Variants in SLC5A2 observed in about 807,000 individuals in gnomAD.
SLC5A2 encodes the protein sodium/glucose cotransporter 2.
SLC5A2 carries 67 observed loss-of-function variants against 69.0 expected under a neutral mutation model. The observed-to-expected ratio is 0.97, with a 90% CI of 0.80 to 1.19. The LOEUF is 1.19. Among genes scored for constraint, SLC5A2 ranks in the 50% most tolerant of loss-of-function variants. SLC5A2 has a pLI of 0.00. For synonymous variants in SLC5A2, 455 were observed against 395.8 expected (o/e 1.15, Z -1.78); for missense variants, 1,001 against 921.5 (o/e 1.09, Z -1.12).
chr16:31,487,709 C>T lies in SLC5A2; in HGVS notation c.835C>T (p.Leu279=). 6.2e-7 allele frequency: 1 copy of T among 1,612,980 alleles called. No individual in the cohort carries two copies. The highest frequency in any genetic ancestry group is 1.1e-5 in the South Asian group (1 of 91,072). ...PVTGDLPWPA[L]LLGLTIVSGW... Reference sequence around the variant, plus strand: ...GACCGGGGATCTGCCGTGGCCCGCGCTGCTCCTCGGACTCACAATCGTCTC... The same window carrying T: ...GACCGGGGATCTGCCGTGGCCCGCGTTGCTCCTCGGACTCACAATCGTCTC... The change falls in exon 7 of 14, where the codon CTG becomes TTG. Residue 279 remains leucine (L), a synonymous_variant. Coordinates refer to ENST00000330498, the MANE Select transcript of SLC5A2 (RefSeq NM_003041.4).
At position 31,489,193 on chromosome 16, in the gene SLC5A2, G is replaced by GC; in HGVS notation, c.1521dup (p.Ser508LeufsTer59). 2 of 1,610,194 alleles carry GC rather than the reference G, an allele frequency of 1.2e-6. No individual in the cohort carries two copies. The highest frequency in any genetic ancestry group is 1.7e-6 in the Non-Finnish European group (2 of 1,180,018). On this transcript the variant is annotated frameshift_variant, in exon 12 of 14. Coordinates refer to ENST00000330498, the MANE Select transcript of SLC5A2 (RefSeq NM_003041.4). LOFTEE classifies it high-confidence loss of function. Reference sequence around the variant, plus strand: ...CGCCTGATTCCCGAGTTCTCCTTCGGCTCGGGCAGCTGTGTGCAGCCCTCG... The same window carrying GC: ...CGCCTGATTCCCGAGTTCTCCTTCGGCCTCGGGCAGCTGTGTGCAGCCCTCG...
chr16:31,488,316 A>T lies in SLC5A2; in HGVS notation c.1022-67A>T. On this transcript the variant is annotated intron_variant, in intron 8 of 13. Coordinates refer to ENST00000330498, the MANE Select transcript of SLC5A2 (RefSeq NM_003041.4). ...GCACGCCTCCTCTGCTAGGATTCCC[A>T]GTCCCCACCTCCTGGGATTCCCAGA... 1.9e-6 allele frequency: 3 copies of T among 1,600,868 alleles called. No homozygotes were observed. The South Asian group carries it at 3.3e-5, about 18-fold the overall frequency.
At chr16:31,488,245 A>T (rs116678833) in intron 8 of SLC5A2, 72 bp downstream of exon 8, 10 of 1,610,688 alleles carry the variant, frequency 6.2e-6, no homozygotes, top group Non-Finnish European at 8.5e-6. Flanking sequence ...TCACCCTCCT[A>T]AGACTCGGCA....
rs1303484509 is a variant in SLC5A2 at position 31,488,958 on chromosome 16, C to A, written c.1359C>A (p.Phe453Leu). ...AGGCGGCACAGGGCGGGCAGCTCTT[C>A]GATTACATCCAGGCAGTCTCTAGCT... ...VVQAAQGGQL[F>L]DYIQAVSSYL... Residue 453 changes from phenylalanine to leucine, a missense_variant, in exon 11 of 14, where the codon TTC becomes TTA. Transcript: ENST00000330498. 6.2e-7 allele frequency: 1 copy of A among 1,602,914 alleles called. No individual in the cohort carries two copies. Among genetic ancestry groups the A allele is most frequent in the Non-Finnish European group, 8.5e-7 (1 of 1,179,876 alleles).
At position 31,486,226 on chromosome 16, in the gene SLC5A2, T is replaced by C. The variant is rs373440389; in HGVS notation, c.525T>C (p.Tyr175=). Residue 175 remains tyrosine, a synonymous_variant, in exon 5 of 14, where the codon TAT becomes TAC. Coordinates refer to ENST00000330498, the MANE Select transcript of SLC5A2 (RefSeq NM_003041.4). ...AGCAGGCTCTGGGCTGGAACATCTA[T>C]GCCTCCGTCATCGCGCTTCTGGGCA... is the stretch of plus-strand genomic sequence containing the variant. The part of the protein sequence containing the change: ...FIQQALGWNI[Y]ASVIALLGIT... 6.8e-6 allele frequency: 11 copies of C among 1,613,938 alleles called. No individual in the cohort carries two copies. In the African/African-American group the frequency reaches 1.3e-4, roughly 20 times the overall value.
rs76577328 is a variant in SLC5A2 at position 31,484,736 on chromosome 16, T to C, written c.190T>C (p.Trp64Arg). 2.5e-6 allele frequency: 4 copies of C among 1,610,450 alleles called. No homozygotes were observed. In the African/African-American group the frequency reaches 5.3e-5, roughly 21 times the overall value. Residue 64 changes from tryptophan (W) to arginine (R), a missense_variant, in exon 2 of 14, where the codon TGG becomes CGG. By Grantham distance (101) the Trp-to-Arg change is moderately radical (BLOSUM62 -3). Transcript: ENST00000330498. ...GYFLAGRSMV[W>R]WPVGASLFAS... ...CTTCCTGGCAGGACGCAGCATGGTG[T>C]GGTGGCCGGTGAGACGGGCTGGGCC...
At chr16:31,490,062 G>T in intron 12 of SLC5A2, 42 bp from the exon 13 acceptor site, 2 of 1,611,754 alleles carry the variant, frequency 1.2e-6, no homozygotes, top group Non-Finnish European at 1.7e-6. Flanking sequence ...CAGGCATGGG[G>T]GGACAGAACT....
Position 31,488,647 on chromosome 16 carries a change from C to T in SLC5A2, c.1155C>T (p.Val385=), listed in dbSNP as rs766185124. The T allele has an allele frequency of 5.0e-6, 8 of 1,611,904 alleles. No homozygotes were observed. The Admixed American group carries it at 1.0e-4, about 20-fold the overall frequency. Residue 385 remains valine (V), a synonymous_variant, in exon 10 of 14, where the codon GTC becomes GTT. Transcript: ENST00000330498. The part of the protein sequence containing the change: ...PNGLRGLMLA[V]MLAALMSSLA... ...GTCTGCGCGGACTCATGCTGGCGGT[C>T]ATGCTGGCCGCGCTCATGTCCTCGC...
chr16:31,489,194 C>T lies in SLC5A2; in HGVS notation c.1521C>T (p.Gly507=). 9 of 1,610,326 alleles carry T rather than the reference C, an allele frequency of 5.6e-6. No homozygotes were observed. Among genetic ancestry groups the T allele is most frequent in the Non-Finnish European group, 7.6e-6 (9 of 1,180,020 alleles). The change falls in exon 12 of 14, where the codon GGC becomes GGT. Residue 507 remains glycine (G), a synonymous_variant. Transcript: ENST00000330498. ...GCCTGATTCCCGAGTTCTCCTTCGGCTCGGGCAGCTGTGTGCAGCCCTCGG... is the reference window on the plus strand; with the variant it reads ...GCCTGATTCCCGAGTTCTCCTTCGGTTCGGGCAGCTGTGTGCAGCCCTCGG... ...LARLIPEFSF[G]SGSCVQPSAC...
chr16:31,490,712 G>T lies in SLC5A2; in HGVS notation c.*177G>T. ...CTGATTGGCAGTCACTTCCCATGAG[G>T]GCCTGGCCCACCCGCTGCAGTTGCC... On this transcript the variant is annotated 3_prime_UTR_variant, in exon 14 of 14. Coordinates refer to ENST00000330498, the MANE Select transcript of SLC5A2 (RefSeq NM_003041.4). 8.2e-7 allele frequency: 1 copy of T among 1,222,898 alleles called. No homozygotes were observed. 75.8% of individuals were successfully genotyped at this position (1,222,898 alleles called of 1,614,324 possible).
In SLC5A2 at chr16:31,490,322, G is replaced by A. The variant is rs368649902; in HGVS notation, c.1806G>A (p.Pro602=). 1.7e-5 allele frequency: 27 copies of A among 1,611,996 alleles called. No individual in the cohort carries two copies. The highest frequency in any genetic ancestry group is 1.6e-4 in the Middle Eastern group (1 of 6,062). ...AATTTCCCTCAGAGCCCCAGGCCCC[G>A]GCACCAAGCCTCTTCCGCCAGTGCC... The part of the protein sequence containing the change: ...SAMEMNEPQA[P]APSLFRQCLL... The change falls in exon 14 of 14, where the codon CCG becomes CCA. Residue 602 remains proline (P), a synonymous_variant. Coordinates refer to ENST00000330498, the MANE Select transcript of SLC5A2 (RefSeq NM_003041.4).
intron 6 of SLC5A2, 55 bp from the exon 7 acceptor site, chr16:31,487,475 C>T: frequency 6.2e-7 from 1 of 1,609,762 alleles, no homozygotes; most frequent in Admixed American, 1.7e-5. Context: ...GGGGCCGTTG[C>T]GCGTCTCCGG....
chr16:31,489,102 G>T, intron 11 of SLC5A2, 21 bp from the exon 12 acceptor site: 1 of 1,605,634 alleles, frequency 6.2e-7, no homozygotes. Flanking sequence ...TCCTCAGCAG[G>T]CTGACCTGTT....
In SLC5A2 at chr16:31,488,449, A is replaced by T; in HGVS notation, c.1088A>T (p.Asn363Ile). The T allele has an allele frequency of 6.2e-7, 1 of 1,611,250 alleles. No individual in the cohort carries two copies. The highest frequency in any genetic ancestry group is 8.5e-7 in the Non-Finnish European group (1 of 1,179,542). ...RVCGTEVGCS[N>I]IAYPRLVVKL... The stretch of plus-strand genomic sequence containing the variant: ...TGCGGCACGGAGGTGGGCTGCTCCA[A>T]CATCGCCTACCCGCGGCTCGTCGTG... Residue 363 changes from asparagine to isoleucine, a missense_variant, in exon 9 of 14, where the codon AAC becomes ATC. By Grantham distance (149) the Asn-to-Ile change is moderately radical. Transcript: ENST00000330498.
Position 31,490,101 on chromosome 16 carries a change from C to G in SLC5A2, c.1666-3C>G, listed in dbSNP as rs1229425812. The G allele has an allele frequency of 1.9e-6, 3 of 1,613,620 alleles. No individual in the cohort carries two copies. In the South Asian group the frequency reaches 3.3e-5, roughly 18 times the overall value. On this transcript the variant is annotated splice_region_variant and splice_polypyrimidine_tract_variant and intron_variant, in intron 12 of 13. Transcript: ENST00000330498. ...ACCTCGTTCGTGCTCCCACCCTCCCCAGCTCCACCGCCTGGTCTTCAGTCT... is the reference window on the plus strand; with the variant it reads ...ACCTCGTTCGTGCTCCCACCCTCCCGAGCTCCACCGCCTGGTCTTCAGTCT...
In SLC5A2 at chr16:31,487,610, C is replaced by T. The variant is rs773359240; in HGVS notation, c.736C>T (p.Pro246Ser). The change falls in exon 7 of 14, where the codon CCA becomes TCA. Residue 246 changes from proline to serine, a missense_variant. Pro to Ser is a moderately conservative substitution (Grantham distance 74). Transcript: ENST00000330498. ...AATSLTVSED[P>S]AVGNISSFCY... ...GACTTCGCTGACGGTGTCCGAGGAT[C>T]CAGCCGTGGGAAACATCTCCAGCTT... 2.7e-5 allele frequency: 44 copies of T among 1,614,004 alleles called. No individual in the cohort carries two copies. The highest frequency in any genetic ancestry group is 2.2e-4 in the East Asian group (10 of 44,878).
chr16:31,485,156 C>A, intron 3 of SLC5A2: 1 of 627,950 alleles, frequency 1.6e-6, no homozygotes, highest in Non-Finnish European at 2.9e-6. Context: ...CTGCACCAGC[C>A]ACTGCCTCTG....
rs1447589983 is a variant in SLC5A2 at position 31,488,712 on chromosome 16, T to C, written c.1220T>C (p.Met407Thr). Residue 407 changes from methionine (M) to threonine (T), a missense_variant, in exon 10 of 14, where the codon ATG (methionine) becomes ACG (threonine). Met to Thr is a moderately conservative substitution (Grantham distance 81). Transcript: ENST00000330498. ...IFNSSSTLFTMDIYTRLRPRA... is the reference protein window; with the variant it reads ...IFNSSSTLFTTDIYTRLRPRA... ...AACAGCAGCAGCACGCTCTTCACCA[T>C]GGACATCTACACGCGCCTGCGGCCA... The C allele has an allele frequency of 3.1e-6, 5 of 1,610,526 alleles. No homozygotes were observed. The highest frequency in any genetic ancestry group is 2.7e-5 in the African/African-American group (2 of 74,328).
In SLC5A2 at chr16:31,490,330, G is replaced by C; in HGVS notation, c.1814G>C (p.Ser605Thr). Reference protein sequence around the residue: ...EMNEPQAPAPSLFRQCLLWFC... With the variant: ...EMNEPQAPAPTLFRQCLLWFC... The stretch of plus-strand genomic sequence containing the variant: ...TCAGAGCCCCAGGCCCCGGCACCAA[G>C]CCTCTTCCGCCAGTGCCTGCTCTGG... Residue 605 changes from serine to threonine, a missense_variant, in exon 14 of 14, where the codon AGC becomes ACC. By Grantham distance (58) the Ser-to-Thr change is moderately conservative. Transcript: ENST00000330498. The C allele has an allele frequency of 6.2e-7, 1 of 1,612,464 alleles. No homozygotes were observed. The highest frequency in any genetic ancestry group is 8.5e-7 in the Non-Finnish European group (1 of 1,179,402).
Sources: allele counts gnomAD v4.1 joint callset, GRCh38; gene constraint gnomAD v4.1.1; transcripts MANE v1.5; gene names NCBI Gene and HGNC (gene_info 2026-07-23, HGNC 2026-07-21).